Variants in SNX7 observed in about 807,000 individuals in gnomAD.
SNX7 encodes the protein sorting nexin 7.
A neutral mutation model predicts 48.4 loss-of-function variants in SNX7; 35 were observed. The ratio of observed to expected loss-of-function variants is 0.72; its 90% CI spans 0.55 to 0.96. The LOEUF (loss-of-function observed/expected upper bound fraction) is 0.96. Among genes scored for constraint, SNX7 ranks in the 40% least tolerant of loss-of-function variants. SNX7 has a pLI of 0.00. For synonymous variants in SNX7, 190 were observed against 190.2 expected (o/e 1.00, Z 0.01); for missense variants, 553 against 548.9 (o/e 1.01, Z -0.07).
At chr1:98,718,336 A>T (rs903467040) in intron 7 of SNX7, among the ~76,000 whole-genome samples, 1 of 152,102 alleles carries the variant, frequency 6.6e-6, no homozygotes, top group Non-Finnish European at 1.5e-5. Flanking sequence ...TTATCATCTA[A>T]CACTTTTATT....
At chr1:98,747,724 A>G (rs550351213) in intron 8 of SNX7, among the ~76,000 whole-genome samples, 1 of 152,194 alleles carries the variant, frequency 6.6e-6, no homozygotes, top group African/African-American at 2.4e-5. Flanking sequence ...TGTAAAACAC[A>G]GTCAATGGTA....
Position 98,698,919 on chromosome 1 carries a change from A to C in SNX7, c.1038+14A>C. 1 of 1,611,906 alleles carries C rather than the reference A, an allele frequency of 6.2e-7. No homozygotes were observed. The highest frequency in any genetic ancestry group is 8.5e-7 in the Non-Finnish European group (1 of 1,178,204). On this transcript the variant is annotated intron_variant, in intron 6 of 8. Transcript: ENST00000306121. The stretch of plus-strand genomic sequence containing the variant: ...GAAATGTTAATGGTAAGAACACCTA[A>C]TTCTAATTTTACCTCAGTCCCTTAC...
At chr1:98,677,925 A>G (rs1048090732) in intron 1 of SNX7, among the ~76,000 whole-genome samples, 1 of 149,766 alleles carries the variant, frequency 6.7e-6, no homozygotes, top group Non-Finnish European at 1.5e-5. Context: ...TAATTTGTGA[A>G]CTCTTGGTAT....
At chr1:98,734,684 CAT>C (rs1447325290) in intron 7 of SNX7, among the ~76,000 whole-genome samples, 1 of 152,058 alleles carries the variant, frequency 6.6e-6, no homozygotes, top group African/African-American at 2.4e-5. Context: ...ATCGTAGAAA[CAT>C]ATTGTTTTGT....
At chr1:98,720,183 C>T (rs1052298252) in intron 7 of SNX7, among the ~76,000 whole-genome samples, 4 of 151,684 alleles carry the variant, frequency 2.6e-5, no homozygotes, top group Non-Finnish European at 4.4e-5. Context: ...ACTCTTTGTT[C>T]CTCTTGCTTG....
intron 8 of SNX7, among the ~76,000 whole-genome samples, chr1:98,745,738 G>A (rs534641763): frequency 2.0e-5 from 3 of 152,038 alleles, no homozygotes; most frequent in African/African-American, 7.2e-5. Flanking sequence ...TTATTCATTG[G>A]GAAGTACTCA....
At chr1:98,697,718 G>A (rs1017617033) in intron 5 of SNX7, among the ~76,000 whole-genome samples, 1 of 152,020 alleles carries the variant, frequency 6.6e-6, no homozygotes, top group Admixed American at 6.6e-5. Flanking sequence ...GTGGCCAAGA[G>A]CATTTGAGTT....
chr1:98,674,379 G>T (rs1425984027), intron 1 of SNX7, among the ~76,000 whole-genome samples: 2 of 152,140 alleles, frequency 1.3e-5, no homozygotes, highest in Non-Finnish European at 2.9e-5. Flanking sequence ...CGTGAGAGAG[G>T]GATCTGTTCC....
At chr1:98,686,370 T>A (rs923820255) in intron 2 of SNX7, among the ~76,000 whole-genome samples, 4 of 152,092 alleles carry the variant, frequency 2.6e-5, no homozygotes, top group African/African-American at 9.7e-5. Context: ...TTCTGTAGGG[T>A]TGCAGTAGAA....
Position 98,684,889 on chromosome 1 carries a change from C to T in SNX7, c.185C>T (p.Ala62Val). Residue 62 changes from alanine (A) to valine (V), a missense_variant, in exon 2 of 9, where the codon GCC becomes GTC. Physicochemically the swap from Ala to Val is moderately conservative, Grantham distance 64 (BLOSUM62 0). Coordinates refer to ENST00000306121, the MANE Select transcript of SNX7 (RefSeq NM_015976.5). Reference protein sequence around the residue: ...EDDLEVFSKDASLMDMNSFSP... With the variant: ...EDDLEVFSKDVSLMDMNSFSP... The stretch of plus-strand genomic sequence containing the variant: ...TTTGAATGTTTTATTTCTTAGGATG[C>T]CTCATTGATGGACATGAACTCCTTC... The T allele has an allele frequency of 6.7e-7, 1 of 1,485,406 alleles. No individual in the cohort carries two copies. The highest frequency in any genetic ancestry group is 2.4e-5 in the East Asian group (1 of 42,478). The allele number at this position is 1,485,406 out of a possible 1,614,324, so 92.0% of individuals were successfully genotyped here. A position where few individuals can be genotyped will look rare whatever the true frequency, so the allele number is the denominator to read the frequency against.
intron 8 of SNX7, among the ~76,000 whole-genome samples, chr1:98,745,199 C>G (rs189065244): frequency 6.6e-6 from 1 of 151,808 alleles, no homozygotes; most frequent in African/African-American, 2.4e-5. Context: ...TAAATTGTTG[C>G]AATAGAGGTG....
chr1:98,694,146 G>A (rs1213117977), intron 4 of SNX7, among the ~76,000 whole-genome samples: 3 of 151,938 alleles, frequency 2.0e-5, no homozygotes, highest in Non-Finnish European at 4.4e-5. Flanking sequence ...CGAGGCGGGC[G>A]GATCACAAGG....
rs747758754 is a variant in SNX7 at position 98,685,034 on chromosome 1, A to G, written c.330A>G (p.Ile110Met). Reference sequence around the variant, plus strand: ...AACCTGAAAGTCATGTTACTACAATAGAAACTTTCATTACGTATAGGATTA... The same window carrying G: ...AACCTGAAAGTCATGTTACTACAATGGAAACTTTCATTACGTATAGGATTA... The part of the protein sequence containing the change: ...VDEPESHVTT[I>M]ETFITYRIIT... Residue 110 changes from isoleucine (I) to methionine (M), a missense_variant, in exon 2 of 9, where the codon ATA becomes ATG. Ile to Met is a conservative substitution (Grantham distance 10, BLOSUM62 1). Transcript: ENST00000306121. The G allele has an allele frequency of 3.8e-6, 6 of 1,571,120 alleles. No individual in the cohort carries two copies. The African/African-American group carries it at 5.4e-5, about 14-fold the overall frequency.
At chr1:98,717,996 C>A (rs1652678751) in intron 7 of SNX7, among the ~76,000 whole-genome samples, 1 of 151,882 alleles carries the variant, frequency 6.6e-6, no homozygotes, top group Non-Finnish European at 1.5e-5. Flanking sequence ...ACCCTTGTAC[C>A]AGGAAAATGC....
chr1:98,673,660 A>G (rs1478377903), intron 1 of SNX7, among the ~76,000 whole-genome samples: 2 of 152,188 alleles, frequency 1.3e-5, no homozygotes, highest in African/African-American at 4.8e-5. Flanking sequence ...TCAAAATACT[A>G]TACTGAGTGC....
chr1:98,720,976 C>CA (rs1210586108), intron 7 of SNX7, among the ~76,000 whole-genome samples: 1 of 151,992 alleles, frequency 6.6e-6, no homozygotes, highest in Non-Finnish European at 1.5e-5. Context: ...AGTACTAGAG[C>CA]AAAAATACTA....
intron 6 of SNX7, among the ~76,000 whole-genome samples, chr1:98,701,330 ATT>A (rs777955610): frequency 2.5e-4 from 38 of 152,122 alleles, no homozygotes; most frequent in Non-Finnish European, 5.1e-4. Context: ...GCATACTTCA[ATT>A]TTCTGATTTC....
chr1:98,749,438 C>G (rs1557838523), intron 8 of SNX7, among the ~76,000 whole-genome samples: 1 of 152,046 alleles, frequency 6.6e-6, no homozygotes, highest in African/African-American at 2.4e-5. Flanking sequence ...CACTTACATT[C>G]TTGAGAGATA....
chr1:98,729,814 G>GAATTCTAC (rs1242841778), intron 7 of SNX7, among the ~76,000 whole-genome samples: 4 of 151,938 alleles, frequency 2.6e-5, no homozygotes, highest in Non-Finnish European at 5.9e-5. Context: ...ATTTACAGCT[G>GAATTCTAC]AATTCTACAA....
Sources: gnomAD v4.1 joint callset for allele counts (sites outside exome capture counted in the v4.1 genomes callset) on GRCh38, gnomAD v4.1.1 for gene constraint, MANE v1.5 for transcripts, NCBI Gene and HGNC (gene_info 2026-07-23, HGNC 2026-07-21) for gene names.